ZDHHC11: variants seen among roughly 807,000 people sequenced by gnomAD.
ZDHHC11 encodes the protein palmitoyltransferase ZDHHC11.
Under a neutral mutation model 51.3 loss-of-function variants are expected in ZDHHC11, and 44 were observed. That is an observed-to-expected ratio of 0.86 (90% CI 0.67 to 1.10). The LOEUF is 1.10. Among genes scored for constraint, ZDHHC11 ranks in the 50% least tolerant of loss-of-function variants. The pLI, the probability that ZDHHC11 is intolerant of heterozygous loss-of-function variation, is 0.00. For synonymous variants in ZDHHC11, 163 were observed against 222.0 expected, an observed-to-expected ratio of 0.73 and a Z score of 2.36; for missense variants, 400 against 537.7, an observed-to-expected ratio of 0.74 and a Z score of 2.53.
At chr5:849,276 A>G (rs1746777229) in intron 1 of ZDHHC11, among the ~76,000 whole-genome samples, 1 of 151,398 alleles carries the variant, frequency 6.6e-6, no homozygotes, top group Non-Finnish European at 1.5e-5. Context: ...AATGTACCGC[A>G]CCCCCAGAGG....
chr5:858,145 C>T (rs1748530220), intron 1 of ZDHHC11, among the ~76,000 whole-genome samples: 2 of 134,956 alleles, frequency 1.5e-5, no homozygotes, highest in South Asian at 2.5e-4. Flanking sequence ...CGTGGTCCCC[C>T]GGGTCTGTCC....
At chr5:828,119 G>C (rs1742539660) in intron 7 of ZDHHC11, among the ~76,000 whole-genome samples, 1 of 151,356 alleles carries the variant, frequency 6.6e-6, no homozygotes, top group African/African-American at 2.4e-5. Flanking sequence ...AAAATGAAAA[G>C]TCTCCCATGT....
At chr5:851,315 C>A (rs1279355660), upstream of ZDHHC11, among the ~76,000 whole-genome samples, 1 of 149,620 alleles carries the variant, frequency 6.7e-6, no homozygotes, top group Non-Finnish European at 1.5e-5. Flanking sequence ...CACGCTGCGG[C>A]TGCTCCTGGC....
intron 6 of ZDHHC11, among the ~76,000 whole-genome samples, chr5:835,810 T>C (rs1324268066): frequency 4.0e-5 from 6 of 151,876 alleles, no homozygotes; most frequent in African/African-American, 9.7e-5. Flanking sequence ...CATATTTGCA[T>C]AAGGTTTGTC....
At chr5:838,743 C>T (rs1309477359) in intron 5 of ZDHHC11, among the ~76,000 whole-genome samples, 3 of 152,144 alleles carry the variant, frequency 2.0e-5, no homozygotes, top group Non-Finnish European at 4.4e-5. Flanking sequence ...AGAGGACAGA[C>T]CAGGTCATCC....
At chr5:803,932 G>A (rs1202756100) in intron 11 of ZDHHC11, among the ~76,000 whole-genome samples, 3 of 148,552 alleles carry the variant, frequency 2.0e-5, no homozygotes, top group African/African-American at 7.4e-5. Flanking sequence ...GAAGACAATC[G>A]AAATTATCCA....
chr5:852,166 C>G (rs1224144494), upstream of ZDHHC11, among the ~76,000 whole-genome samples: 2 of 152,148 alleles, frequency 1.3e-5, no homozygotes, highest in South Asian at 4.1e-4. Context: ...AAAACAAAAC[C>G]CAAATGAAAG....
chr5:818,620 A>G (rs1741145907), intron 10 of ZDHHC11, among the ~76,000 whole-genome samples: 1 of 151,592 alleles, frequency 6.6e-6, no homozygotes, highest in Non-Finnish European at 1.5e-5. Flanking sequence ...CTGCTATGGG[A>G]GGCTGAGGCC....
intron 1 of ZDHHC11, among the ~76,000 whole-genome samples, chr5:849,981 G>A (rs1479740230): frequency 6.6e-6 from 1 of 152,238 alleles, no homozygotes; most frequent in East Asian, 1.9e-4. Context: ...AGCTTGGCAT[G>A]GAAACGCAGG....
At chr5:824,005 C>G (rs1269009155) in intron 8 of ZDHHC11, 1 of 452,182 alleles carries the variant, frequency 2.2e-6, no homozygotes, top group East Asian at 7.0e-5. Flanking sequence ...ACCAGCGTCG[C>G]TGTTCCTCCA....
intron 7 of ZDHHC11, among the ~76,000 whole-genome samples, chr5:829,748 C>T (rs1455161280): frequency 2.1e-4 from 32 of 151,656 alleles, no homozygotes; most frequent in African/African-American, 7.8e-4. Flanking sequence ...CAACAAAATA[C>T]TAGCGAACCG....
upstream of ZDHHC11, among the ~76,000 whole-genome samples, chr5:851,276 C>T (rs1338813701): frequency 6.8e-6 from 1 of 148,142 alleles, no homozygotes; most frequent in Non-Finnish European, 1.5e-5. Flanking sequence ...GGTCTCCGCC[C>T]GGGTGGACAG....
intron 11 of ZDHHC11, among the ~76,000 whole-genome samples, chr5:802,607 T>A (rs1313310538): frequency 6.7e-6 from 1 of 150,050 alleles, no homozygotes; most frequent in African/African-American, 2.4e-5. Flanking sequence ...CATTGAGCTA[T>A]AAAGAGCAAT....
rs562490292 is a variant in ZDHHC11, at chr5:829,775, A to G, written c.935+3998T>C. Among the ~76,000 whole-genome samples the G allele has an allele frequency of 6.0e-4, 91 of 151,668 alleles. No homozygotes were observed. The South Asian group carries it at 0.019, about 31-fold the overall frequency. On this transcript the variant is annotated intron_variant, in intron 7 of 12. Transcript: ENST00000283441. ...AGCGAACCGAATCAAACAGCATAGC[A>G]AAAAGATAATAACACCATGGTCAAG...
intron 9 of ZDHHC11, among the ~76,000 whole-genome samples, chr5:820,926 G>A (rs1167328031): frequency 6.6e-6 from 1 of 151,236 alleles, no homozygotes; most frequent in African/African-American, 2.4e-5. Context: ...ACACAGACCT[G>A]GGCCTGTGTT....
chr5:816,808 CT>C (rs1740858637), intron 10 of ZDHHC11: 2 of 477,508 alleles, frequency 4.2e-6, no homozygotes. Flanking sequence ...GCCCTCCAGT[CT>C]TAAAAGGTTT....
At chr5:824,761 ATTTTAT>A (rs1418100788) in intron 8 of ZDHHC11, among the ~76,000 whole-genome samples, 2 of 91,598 alleles carry the variant, frequency 2.2e-5, no homozygotes, top group African/African-American at 2.4e-4. Flanking sequence ...TTTCCTAAGC[ATTTTAT>A]TTAAAAAAAA....
intron 3 of ZDHHC11, among the ~76,000 whole-genome samples, chr5:847,270 C>T (rs1262530722): frequency 5.9e-5 from 9 of 151,818 alleles, no homozygotes; most frequent in African/African-American, 1.7e-4. Flanking sequence ...CCGCAAGTGC[C>T]CCCGGGGGGC....
intron 12 of ZDHHC11, among the ~76,000 whole-genome samples, chr5:798,899 G>A (rs1319601483): frequency 6.6e-6 from 1 of 152,192 alleles, no homozygotes; most frequent in African/African-American, 2.4e-5. Flanking sequence ...TAAAGAGCAT[G>A]CAAATGATAA....
Sources: gnomAD v4.1 joint callset for allele counts (sites outside exome capture counted in the v4.1 genomes callset) on GRCh38, gnomAD v4.1.1 for gene constraint, MANE v1.5 for transcripts, NCBI Gene and HGNC (gene_info 2026-07-23, HGNC 2026-07-21) for gene names.